KLF5: variants seen among roughly 807,000 people sequenced by gnomAD.
The protein encoded by KLF5 is Krueppel-like factor 5.
In KLF5, 9 loss-of-function variants were observed where a neutral mutation model predicts 36.9. That is an observed-to-expected ratio of 0.24 (90% CI 0.15 to 0.43). The LOEUF (loss-of-function observed/expected upper bound fraction) is 0.43, where lower values mean the gene tolerates loss of function less well. Ranked by LOEUF, KLF5 falls within the 20% of genes least tolerant of loss-of-function variation. The pLI is 1.00. For missense variants in KLF5, 524 were observed against 599.5 expected, an observed-to-expected ratio of 0.87 and a Z score of 1.31; for synonymous variants, 246 against 241.7, an observed-to-expected ratio of 1.02 and a Z score of -0.17.
intron 2 of KLF5, among the ~76,000 whole-genome samples, 186 bp from the exon 3 acceptor site, chr13:73,063,638 A>G (rs2044657251): frequency 6.6e-6 from 1 of 152,238 alleles, no homozygotes; most frequent in Non-Finnish European, 1.5e-5. Context: ...ACATAAAACA[A>G]ATCACTTCAT....
intron 3 of KLF5, among the ~76,000 whole-genome samples, chr13:73,066,855 C>A (rs1047207157): frequency 3.3e-5 from 5 of 152,100 alleles, no homozygotes; most frequent in Non-Finnish European, 1.5e-5. Flanking sequence ...ATAAATAATA[C>A]AAAGTTCTGT....
chr13:73,071,600 G>C (rs772460067), intron 3 of KLF5, among the ~76,000 whole-genome samples: 3 of 152,024 alleles, frequency 2.0e-5, no homozygotes, highest in Non-Finnish European at 4.4e-5. Context: ...TCTTTAATAA[G>C]TGTTTCCTAT....
chr13:73,066,840 C>T (rs1323090972), intron 3 of KLF5, among the ~76,000 whole-genome samples: 1 of 152,120 alleles, frequency 6.6e-6, no homozygotes, highest in South Asian at 2.1e-4. Flanking sequence ...ATCAGGAAAT[C>T]GCATATAAAT....
chr13:73,064,005 A>T (rs1282127747), intron 3 of KLF5, 122 bp downstream of exon 3: 278 of 406,642 alleles, frequency 6.8e-4, no homozygotes, highest in African/African-American at 2.8e-3. Flanking sequence ...TTTTTTTTTT[A>T]AATAGCCTAC....
At chr13:73,065,569 T>TA (rs901793584) in intron 3 of KLF5, among the ~76,000 whole-genome samples, 2 of 152,180 alleles carry the variant, frequency 1.3e-5, no homozygotes, top group Non-Finnish European at 2.9e-5. Context: ...TTTTTATAGT[T>TA]AAACACAAAT....
chr13:73,068,701 CT>C (rs2044699755), intron 3 of KLF5, among the ~76,000 whole-genome samples: 1 of 86,094 alleles, frequency 1.2e-5, no homozygotes, highest in South Asian at 3.5e-4. Flanking sequence ...GAGACTCCAT[CT>C]CAAAAAAAAA....
chr13:73,075,310 A>G (rs2139119992), intron 3 of KLF5, among the ~76,000 whole-genome samples: 1 of 152,256 alleles, frequency 6.6e-6, no homozygotes, highest in East Asian at 1.9e-4. Flanking sequence ...TAATAATTTA[A>G]TTTGGGTTTG....
In KLF5 at chr13:73,059,537, G is replaced by A; in HGVS notation, c.210G>A (p.Pro70=). The change falls in exon 1 of 4, where the codon CCG becomes CCA. Residue 70 remains proline (P), a synonymous_variant. Transcript: ENST00000377687. ...AQPAPAQAPQ[P]AQPPATGPRL... ...CCGCGCCCGCGCAGGCCCCGCAGCC[G>A]GCCCAGCCGCCCGCCACCGGCCCGC... The A allele has an allele frequency of 8.4e-7, 1 of 1,186,464 alleles. No homozygotes were observed. Among genetic ancestry groups the A allele is most frequent in the Non-Finnish European group, 1.0e-6 (1 of 962,748 alleles). The allele number at this position is 1,186,464 out of a possible 1,614,324, so 73.5% of individuals were successfully genotyped here.
chr13:73,074,131 T>C (rs1192526177), intron 3 of KLF5, among the ~76,000 whole-genome samples: 1 of 152,190 alleles, frequency 6.6e-6, no homozygotes, highest in African/African-American at 2.4e-5. Context: ...GGGACCACTT[T>C]CATGTCGTCT....
rs66630634 is a variant in KLF5 at position 73,067,842 on chromosome 13, C to CTT, written c.1195+3974_1195+3975dup. Among the ~76,000 whole-genome samples the CTT allele has an allele frequency of 1.6e-4, 22 of 139,086 alleles. No homozygotes were observed. In the East Asian group the frequency reaches 2.1e-3, roughly 13 times the overall value. The allele number at this position is 139,086 out of a possible 152,430, so 91.2% of individuals were successfully genotyped here. A position where few individuals can be genotyped will look rare whatever the true frequency, so the allele number is the denominator to read the frequency against. ...ACATAGGAACACAAAATTCACTCTTCTTTTTTTTTTTTTTTTGAGATGAAG... is the reference window on the plus strand; with the variant it reads ...ACATAGGAACACAAAATTCACTCTTCTTTTTTTTTTTTTTTTTTGAGATGAAG... On this transcript the variant is annotated intron_variant, in intron 3 of 3. Transcript: ENST00000377687.
chr13:73,067,578 A>AT (rs1464568245), intron 3 of KLF5, among the ~76,000 whole-genome samples: 5 of 152,144 alleles, frequency 3.3e-5, no homozygotes, highest in Admixed American at 1.3e-4. Flanking sequence ...ACGTTTCTAG[A>AT]TTTTTTCTTT....
chr13:73,061,042 G>C (rs2044631294), intron 1 of KLF5, among the ~76,000 whole-genome samples: 2 of 152,054 alleles, frequency 1.3e-5, no homozygotes, highest in Admixed American at 1.3e-4. Flanking sequence ...ATGTTTTGCT[G>C]ATGACTGTGC....
chr13:73,075,725 T>C lies in KLF5; in HGVS notation c.1213T>C (p.Cys405Arg). The C allele has an allele frequency of 6.2e-7, 1 of 1,606,436 alleles. No homozygotes were observed. The highest frequency in any genetic ancestry group is 8.5e-7 in the Non-Finnish European group (1 of 1,174,188). Residue 405 changes from cysteine to arginine, a missense_variant, in exon 4 of 4, where the codon TGT (cysteine) becomes CGT (arginine). Transcript: ENST00000377687. ...TGTCACAGGTGAAAAGCCATACAAGTGTACCTGGGAAGGCTGCGACTGGAG... is the reference window on the plus strand; with the variant it reads ...TGTCACAGGTGAAAAGCCATACAAGCGTACCTGGGAAGGCTGCGACTGGAG... ...RTHTGEKPYK[C>R]TWEGCDWRFA... is the part of the protein sequence containing the mutation.
chr13:73,060,638 G>GA (rs1405507856), intron 1 of KLF5: 5 of 152,132 alleles, frequency 3.3e-5, no homozygotes, highest in Non-Finnish European at 7.4e-5. Flanking sequence ...GTCTATCCGG[G>GA]AAACCCCGTC....
intron 2 of KLF5, among the ~76,000 whole-genome samples, chr13:73,063,017 T>G (rs936300545): frequency 6.6e-6 from 1 of 152,098 alleles, no homozygotes; most frequent in Non-Finnish European, 1.5e-5. Context: ...TCCCTTGGAT[T>G]TTTTTTTCTT....
intron 3 of KLF5, 50 bp from the exon 4 acceptor site, chr13:73,075,658 A>T: frequency 1.4e-6 from 2 of 1,456,128 alleles, no homozygotes; most frequent in Non-Finnish European, 1.9e-6. Flanking sequence ...GTTATCTAGG[A>T]TGTTTGCATT....
intron 3 of KLF5, among the ~76,000 whole-genome samples, chr13:73,064,243 G>T (rs1456289472): frequency 6.6e-6 from 1 of 152,048 alleles, no homozygotes; most frequent in Non-Finnish European, 1.5e-5. Context: ...AAATAATTTT[G>T]CTCTGAGAAA....
Position 73,075,935 on chromosome 13 carries a change from CAGA to C in KLF5, c.*50_*52del. On this transcript the variant is annotated 3_prime_UTR_variant, in exon 4 of 4. Coordinates refer to ENST00000377687, the MANE Select transcript of KLF5 (RefSeq NM_001730.5). Reference sequence around the variant, plus strand: ...AGGTCCCCTGGGCTCCCTCAAATGACAGACCTAACTATTCCTGTGTAAAAACAA... The same window carrying C: ...AGGTCCCCTGGGCTCCCTCAAATGACCCTAACTATTCCTGTGTAAAAACAA... 3 of 1,422,488 alleles carry C rather than the reference CAGA, an allele frequency of 2.1e-6. No homozygotes were observed. The South Asian group carries it at 4.5e-5, about 22-fold the overall frequency. 88.1% of individuals were successfully genotyped at this position (1,422,488 alleles called of 1,614,324 possible).
At chr13:73,065,697 T>C (rs1178865355) in intron 3 of KLF5, among the ~76,000 whole-genome samples, 3 of 152,202 alleles carry the variant, frequency 2.0e-5, no homozygotes, top group Non-Finnish European at 2.9e-5. Context: ...TAAATGGAAA[T>C]ATAAAGACAT....
Sources: gnomAD v4.1 joint callset for allele counts (sites outside exome capture counted in the v4.1 genomes callset) on GRCh38, gnomAD v4.1.1 for gene constraint, MANE v1.5 for transcripts, NCBI Gene and HGNC (gene_info 2026-07-23, HGNC 2026-07-21) for gene names.